CALN1: variants seen among roughly 807,000 people sequenced by gnomAD.
CALN1 encodes calneuron 1, also known as calcium-binding protein 8.
CALN1 carries 17 observed loss-of-function variants against 30.6 expected under a neutral mutation model. The observed-to-expected ratio is 0.56, with a 90% CI of 0.38 to 0.83. The LOEUF is 0.83. CALN1 is among the 40% of genes least tolerant of loss of function. The probability of loss-of-function intolerance (pLI) is 0.00; values close to 1 mark genes in which losing one functional copy is unlikely to be tolerated. For missense variants in CALN1, 291 were observed against 354.9 expected (o/e 0.82, Z 1.45); for synonymous variants, 156 against 131.4 (o/e 1.19, Z -1.28).
At chr7:71,847,857 A>G (rs926372240) in intron 5 of CALN1, among the ~76,000 whole-genome samples, 1 of 151,266 alleles carries the variant, frequency 6.6e-6, no homozygotes, top group Non-Finnish European at 1.5e-5. Flanking sequence ...GAGAAGAAGA[A>G]GAGGAAAGTT....
Position 71,784,852 on chromosome 7 carries a change from A to T in CALN1, c.*2923T>A, listed in dbSNP as rs76431878. ...GGCATGGGAGACCAGGACCTTCTGGAATCTTCAGCCGTGAGCTTCATAGCC... is the reference window on the plus strand; with the variant it reads ...GGCATGGGAGACCAGGACCTTCTGGTATCTTCAGCCGTGAGCTTCATAGCC... On this transcript the variant is annotated 3_prime_UTR_variant, in exon 7 of 7. Transcript: ENST00000395275. 3.8e-3 allele frequency: 1,508 copies of T among 398,650 alleles called. 23 individuals carry two copies. The highest frequency in any genetic ancestry group is 0.028 in the African/African-American group (1,370 of 48,734). The allele number at this position is 398,650 out of a possible 1,614,324, so 24.7% of individuals were successfully genotyped here. A position where few individuals can be genotyped will look rare whatever the true frequency, so the allele number is the denominator to read the frequency against.
At chr7:72,123,824 A>T (rs935415328) in intron 3 of CALN1, among the ~76,000 whole-genome samples, 2 of 152,188 alleles carry the variant, frequency 1.3e-5, no homozygotes, top group African/African-American at 4.8e-5. Context: ...CTTGCTTAAA[A>T]TTGCCGACTC....
the CALN1 span, among the ~76,000 whole-genome samples, chr7:72,478,749 T>C: frequency 2.0e-5 from 3 of 151,998 alleles, no homozygotes; most frequent in Non-Finnish European, 2.9e-5. Context: ...GTACCCAAAA[T>C]AAAGTCAACA....
intron 2 of CALN1, among the ~76,000 whole-genome samples, chr7:72,351,473 A>T (rs1271263130): frequency 6.6e-6 from 1 of 152,232 alleles, no homozygotes; most frequent in African/African-American, 2.4e-5. Context: ...AAGGTAGTTT[A>T]CTGTTTAAGA....
intron 3 of CALN1, among the ~76,000 whole-genome samples, chr7:72,247,300 G>A (rs796421550): frequency 1.5e-4 from 19 of 129,804 alleles, no homozygotes; most frequent in African/African-American, 4.6e-4. Flanking sequence ...CCAGGCTGGA[G>A]TGCAGTGGCG....
At chr7:71,810,014 C>A (rs558398168) in intron 6 of CALN1, among the ~76,000 whole-genome samples, 1 of 152,014 alleles carries the variant, frequency 6.6e-6, no homozygotes, top group South Asian at 2.1e-4. Context: ...CTCTTTGCAC[C>A]GCCCCATGCA....
At chr7:71,894,204 C>T (rs181096513) in intron 5 of CALN1, among the ~76,000 whole-genome samples, 92 of 152,134 alleles carry the variant, frequency 6.0e-4, no homozygotes, top group African/African-American at 2.1e-3. Flanking sequence ...TAATTCTGGA[C>T]CTATTATACT....
At position 71,832,122 on chromosome 7, in the gene CALN1, G is replaced by A. The variant is rs574819608; in HGVS notation, c.502-21630C>T. ...GAGAATGGTGAAATTTAAGTTCCTC[G>A]TGGCTAAAACACCCCTGCTTTTTTT... On this transcript the variant is annotated intron_variant, in intron 5 of 6. Coordinates refer to ENST00000395275, the MANE Select transcript of CALN1 (RefSeq NM_031468.4). Among the ~76,000 whole-genome samples the A allele has an allele frequency of 7.9e-5, 12 of 152,010 alleles. 1 individual carries two copies. The highest frequency in any genetic ancestry group is 6.2e-4 in the South Asian group (3 of 4,804).
rs1792855500 is a variant in CALN1, at chr7:71,783,995, A to G, written c.*3780T>C. The G allele has an allele frequency of 6.6e-6, 1 of 152,214 alleles. No homozygotes were observed. Among genetic ancestry groups the G allele is most frequent in the African/African-American group, 2.4e-5 (1 of 41,464 alleles). The allele number at this position is 152,214 out of a possible 1,614,324, so 9.4% of individuals were successfully genotyped here. A position where few individuals can be genotyped will look rare whatever the true frequency, so the allele number is the denominator to read the frequency against. ...ACTGGGTTTGCCTAAGACCACACCT[A>G]AACCTCAGTTCACCAAAGTTCACGT... On this transcript the variant is annotated 3_prime_UTR_variant, in exon 7 of 7. Transcript: ENST00000395275.
intron 6 of CALN1, among the ~76,000 whole-genome samples, chr7:71,805,839 C>T (rs962255230): frequency 6.6e-6 from 1 of 152,054 alleles, no homozygotes; most frequent in Non-Finnish European, 1.5e-5. Context: ...TGAGGAATTG[C>T]CACACCATTT....
chr7:72,297,421 C>T (rs536521015), intron 2 of CALN1, among the ~76,000 whole-genome samples: 2 of 152,150 alleles, frequency 1.3e-5, no homozygotes, highest in South Asian at 4.1e-4. Flanking sequence ...TTTATTAAAA[C>T]AAATATAGAA....
At chr7:72,336,758 C>CG in intron 2 of CALN1, 2 of 985,252 alleles carry the variant, frequency 2.0e-6, no homozygotes, top group Non-Finnish European at 2.4e-6. Flanking sequence ...CCGCACAGCG[C>CG]GGGGGGCTTC....
At chr7:72,080,091 T>A (rs1299235049) in intron 4 of CALN1, among the ~76,000 whole-genome samples, 3 of 152,186 alleles carry the variant, frequency 2.0e-5, no homozygotes, top group African/African-American at 7.2e-5. Context: ...CCTTTTGACA[T>A]CAGTGGGTGA....
At position 71,787,642 on chromosome 7, in the gene CALN1, T is replaced by C. The variant is rs1400080560; in HGVS notation, c.*133A>G. ...CCCAGTTGCACTCAACCTTGGGTTCTTTACTGAACGGTTCCATCGTCCGCA... is the reference window on the plus strand; with the variant it reads ...CCCAGTTGCACTCAACCTTGGGTTCCTTACTGAACGGTTCCATCGTCCGCA... On this transcript the variant is annotated 3_prime_UTR_variant, in exon 7 of 7. Transcript: ENST00000395275. 2.3e-6 allele frequency: 3 copies of C among 1,324,920 alleles called. No homozygotes were observed. The highest frequency in any genetic ancestry group is 3.0e-6 in the Non-Finnish European group (3 of 987,202). 82.1% of individuals were successfully genotyped at this position (1,324,920 alleles called of 1,614,324 possible).
At chr7:71,850,162 A>G (rs1242365014) in intron 5 of CALN1, among the ~76,000 whole-genome samples, 1 of 152,218 alleles carries the variant, frequency 6.6e-6, no homozygotes, top group Admixed American at 6.5e-5. Context: ...CTTACATGGA[A>G]TCTATGCCAT....
At chr7:72,210,243 T>G (rs1293646350) in intron 3 of CALN1, among the ~76,000 whole-genome samples, 2 of 149,080 alleles carry the variant, frequency 1.3e-5, no homozygotes, top group Non-Finnish European at 2.9e-5. Flanking sequence ...AGTTCCATTT[T>G]TCCTGTTCTT....
chr7:71,995,150 C>T (rs568661376), intron 5 of CALN1, among the ~76,000 whole-genome samples: 10 of 152,186 alleles, frequency 6.6e-5, no homozygotes, highest in African/African-American at 2.2e-4. Context: ...CTGCGCCTGG[C>T]GCCCCTTCCT....
chr7:71,891,770 C>T (rs1337712167), intron 5 of CALN1, among the ~76,000 whole-genome samples: 2 of 152,012 alleles, frequency 1.3e-5, no homozygotes, highest in African/African-American at 4.8e-5. Context: ...ATGGTGAAGC[C>T]CCGTCTCTAC....
chr7:71,847,719 GAAGAAGA>G (rs372867532), intron 5 of CALN1, among the ~76,000 whole-genome samples: 10,297 of 120,458 alleles, frequency 0.085, 916 homozygotes, highest in African/African-American at 0.25. Flanking sequence ...AAAGAAGAAA[GAAGAAGA>G]AAGAAGAAAG....
Sources: allele counts gnomAD v4.1 joint callset (sites outside exome capture counted in the v4.1 genomes callset), GRCh38; gene constraint gnomAD v4.1.1; transcripts MANE v1.5; gene names NCBI Gene and HGNC (gene_info 2026-07-23, HGNC 2026-07-21).